N4BP2L2: variants seen among roughly 807,000 people sequenced by gnomAD.
The protein encoded by N4BP2L2 is NEDD4 binding protein 2 like 2, also known as NEDD4-binding protein 2-like 2.
A neutral mutation model predicts 56.2 loss-of-function variants in N4BP2L2; 50 were observed. That is an observed-to-expected ratio of 0.89 (90% CI 0.71 to 1.13). The LOEUF (loss-of-function observed/expected upper bound fraction) is 1.13, where lower values mean the gene tolerates loss of function less well. N4BP2L2 is among the 50% of genes most tolerant of loss of function. The probability of loss-of-function intolerance (pLI) is 0.00; values close to 1 mark genes in which losing one functional copy is unlikely to be tolerated. For missense variants in N4BP2L2, 689 were observed against 693.8 expected (o/e 0.99, Z 0.08); for synonymous variants, 203 against 223.6 (o/e 0.91, Z 0.82).
intron 6 of N4BP2L2, among the ~76,000 whole-genome samples, chr13:32,485,695 C>T (rs1225035580): frequency 6.6e-6 from 1 of 152,130 alleles, no homozygotes; most frequent in Non-Finnish European, 1.5e-5. Flanking sequence ...ACCACATCAT[C>T]ATCTCAAAAG....
exon 6 of N4BP2L2, chr13:32,516,359 T>C (rs2049209734): frequency 6.6e-6 from 1 of 152,170 alleles, no homozygotes; most frequent in South Asian, 2.1e-4. Context: ...AACACACGTA[T>C]TAAACAAGAT....
intron 5 of N4BP2L2, 88 bp from the exon 6 acceptor site, chr13:32,518,091 C>T: frequency 8.4e-7 from 1 of 1,190,870 alleles, no homozygotes; most frequent in African/African-American, 1.5e-5. Flanking sequence ...CACACAAATT[C>T]TAAATAATAT....
exon 7 of N4BP2L2, chr13:32,442,817 G>A (rs1316430425): frequency 1.2e-5 from 19 of 1,613,454 alleles, no homozygotes; most frequent in South Asian, 2.2e-5. Context: ...TGAGAATAAC[G>A]CTGTCCATCA....
At chr13:32,478,136 G>A in intron 6 of N4BP2L2, 4 of 1,055,680 alleles carry the variant, frequency 3.8e-6, no homozygotes, top group South Asian at 1.6e-5. Flanking sequence ...TCTACGCCAT[G>A]GCCAGAACAT....
chr13:32,493,723 T>G (rs1402943000), intron 6 of N4BP2L2, among the ~76,000 whole-genome samples: 1 of 152,226 alleles, frequency 6.6e-6, no homozygotes, highest in Admixed American at 6.5e-5. Flanking sequence ...AAATAAACCT[T>G]CATATAACTG....
intron 6 of N4BP2L2, among the ~76,000 whole-genome samples, chr13:32,458,221 C>T (rs937738187): frequency 6.6e-5 from 10 of 152,140 alleles, no homozygotes; most frequent in Admixed American, 3.9e-4. Context: ...CCCGCCACCA[C>T]ACCCAGCTAC....
intron 6 of N4BP2L2, among the ~76,000 whole-genome samples, chr13:32,476,114 T>C (rs767483992): frequency 6.6e-6 from 1 of 152,232 alleles, no homozygotes; most frequent in African/African-American, 2.4e-5. Context: ...CTAAATGCAC[T>C]GATGAGCTTC....
rs571320087 is a variant in N4BP2L2, at chr13:32,462,115, CATT to C, written c.366-17992_366-17990del. Among the ~76,000 whole-genome samples, 768 of 152,254 alleles carry C rather than the reference CATT, an allele frequency of 5.0e-3. 7 individuals carry two copies. The highest frequency in any genetic ancestry group is 6.5e-3 in the Non-Finnish European group (442 of 68,012). ...GATATTTATCCAAAGGAAAGGAAAT[CATT>C]ATATCAAAGGGATACATGCACCCCC... is the stretch of plus-strand genomic sequence containing the variant. On this transcript the variant is annotated intron_variant, in intron 6 of 9. Transcript: ENST00000357505.
At chr13:32,504,335 T>C (rs2090555621) in intron 6 of N4BP2L2, among the ~76,000 whole-genome samples, 1 of 152,200 alleles carries the variant, frequency 6.6e-6, no homozygotes, top group Non-Finnish European at 1.5e-5. Context: ...ATGTCCAAGA[T>C]TAAGATGTCC....
At chr13:32,537,278 A>C (rs921642078) in intron 1 of N4BP2L2, among the ~76,000 whole-genome samples, 1 of 151,856 alleles carries the variant, frequency 6.6e-6, no homozygotes, top group East Asian at 1.9e-4. Context: ...ATACATATAT[A>C]TCTCTCTCAA....
intron 6 of N4BP2L2, among the ~76,000 whole-genome samples, chr13:32,483,268 A>G (rs188325654): frequency 1.3e-5 from 2 of 152,358 alleles, no homozygotes; most frequent in East Asian, 3.9e-4. Context: ...TATCAGGGCA[A>G]CTGGAAAACT....
chr13:32,443,077 C>CT lies in N4BP2L2; in HGVS notation c.1414dup (p.Arg472LysfsTer14), dbSNP rs1318039597. The CT allele has an allele frequency of 3.1e-6, 5 of 1,606,614 alleles. No individual in the cohort carries two copies. The highest frequency in any genetic ancestry group is 4.2e-6 in the Non-Finnish European group (5 of 1,178,130). On this transcript the variant is annotated frameshift_variant, in exon 7 of 10. Transcript: ENST00000357505. LOFTEE classifies it high-confidence loss of function. ...CAAATTGAAAATCCTTTTCTTCCTC[C>CT]TTTTCTTATTTTTTGTTGATTCTAA...
At chr13:32,506,179 C>T (rs1186397207), downstream of N4BP2L2, 1 of 151,828 alleles carries the variant, frequency 6.6e-6, no homozygotes, top group African/African-American at 2.4e-5. Context: ...TGGCCATCTT[C>T]CTCCAGTGTC....
At chr13:32,536,080 T>C (rs772396447) in exon 2 of N4BP2L2, 3 of 1,613,866 alleles carry the variant, frequency 1.9e-6, no homozygotes, top group Non-Finnish European at 2.5e-6. Flanking sequence ...TTACATAATA[T>C]CCATTTTGTA....
At chr13:32,436,816 G>GAAGGAAGA (rs2075560979) in intron 8 of N4BP2L2, among the ~76,000 whole-genome samples, 1 of 128,792 alleles carries the variant, frequency 7.8e-6, no homozygotes, top group Non-Finnish European at 1.6e-5. Context: ...AAAAAGAAAG[G>GAAGGAAGA]AAGAAAGAAA....
chr13:32,463,435 A>G (rs563719502), intron 6 of N4BP2L2, among the ~76,000 whole-genome samples: 21 of 152,128 alleles, frequency 1.4e-4, no homozygotes, highest in African/African-American at 4.8e-4. Context: ...AGGCTAAGGC[A>G]GGCAGATCAC....
chr13:32,537,476 T>A (rs1359446781), intron 1 of N4BP2L2, among the ~76,000 whole-genome samples: 1 of 152,156 alleles, frequency 6.6e-6, no homozygotes, highest in East Asian at 1.9e-4. Context: ...AAGCTTTCCT[T>A]ACTTAAAACC....
chr13:32,517,403 A>G, exon 6 of N4BP2L2: 2 of 995,556 alleles, frequency 2.0e-6, no homozygotes, highest in Non-Finnish European at 2.4e-6. Flanking sequence ...TATTTCTTGC[A>G]TATTTAAGGT....
In N4BP2L2 at chr13:32,535,981, G is replaced by A. The variant is rs762200923; in HGVS notation, c.1047C>T (p.Pro349=). The A allele has an allele frequency of 9.3e-6, 15 of 1,613,810 alleles. No homozygotes were observed. The East Asian group carries it at 2.2e-4, about 24-fold the overall frequency. Reference sequence around the variant, plus strand: ...CTTGCATACTGCAGCCATTTCCAGAGGGATGAACACTACTCCTATTCTCAC... The same window carrying A: ...CTTGCATACTGCAGCCATTTCCAGAAGGATGAACACTACTCCTATTCTCAC... The change falls in exon 2 of 6, where the codon CCC becomes CCT. Residue 349 remains proline, a synonymous_variant. Coordinates refer to ENST00000267068, the Ensembl canonical transcript of N4BP2L2.
Sources: allele counts gnomAD v4.1 joint callset (sites outside exome capture counted in the v4.1 genomes callset), GRCh38; gene constraint gnomAD v4.1.1; transcripts MANE v1.5; gene names NCBI Gene and HGNC (gene_info 2026-07-23, HGNC 2026-07-21).